Variants in SH3KBP1 observed in about 807,000 individuals in gnomAD.
The protein encoded by SH3KBP1 is SH3 domain containing kinase binding protein 1, also known as SH3 domain-containing kinase-binding protein 1.
In SH3KBP1, 8 loss-of-function variants were observed where a neutral mutation model predicts 50.1. That is an observed-to-expected ratio of 0.16 (90% CI 0.09 to 0.29). SH3KBP1 has a LOEUF of 0.29. Among genes scored for constraint, SH3KBP1 ranks in the 10% least tolerant of loss-of-function variants. The pLI is 1.00. For missense variants in SH3KBP1, 377 were observed against 535.2 expected (o/e 0.70, Z 2.92); for synonymous variants, 227 against 218.6 (o/e 1.04, Z -0.34).
intron 1 of SH3KBP1, 134 bp from the exon 2 acceptor site, chrX:19,836,416 A>G: frequency 1.7e-6 from 1 of 573,354 alleles, no homozygotes; most frequent in Non-Finnish European, 2.7e-6. Context: ...ACAGGGCCAC[A>G]CACAGTAACC....
intron 1 of SH3KBP1, among the ~76,000 whole-genome samples, chrX:19,843,121 C>G (rs1326279245): frequency 9.9e-6 from 1 of 100,574 alleles, no homozygotes; most frequent in Non-Finnish European, 2.0e-5. Context: ...CAGGTTCAAG[C>G]AATTCTCTTG....
intron 5 of SH3KBP1, among the ~76,000 whole-genome samples, chrX:19,689,102 G>A (rs371181340): frequency 3.8e-4 from 43 of 112,179 alleles, no homozygotes; most frequent in African/African-American, 1.3e-3. Flanking sequence ...CTTTTTGACC[G>A]ATGCATTCTA....
intron 13 of SH3KBP1, among the ~76,000 whole-genome samples, chrX:19,552,720 A>G (rs1007081388): frequency 9.0e-6 from 1 of 110,686 alleles, no homozygotes; most frequent in Non-Finnish European, 1.9e-5. Context: ...ATTTAAAAAA[A>G]CAAAACACCA....
intron 3 of SH3KBP1, among the ~76,000 whole-genome samples, chrX:19,744,808 T>C (rs182146844): frequency 5.1e-4 from 58 of 112,708 alleles, no homozygotes; most frequent in African/African-American, 1.7e-3. Flanking sequence ...TATTCCTTCG[T>C]TGATTTAAAG....
chrX:19,782,927 G>A (rs1463759178), intron 2 of SH3KBP1, among the ~76,000 whole-genome samples: 1 of 111,178 alleles, frequency 9.0e-6, no homozygotes, highest in Middle Eastern at 4.2e-3. Context: ...GCAACATGGC[G>A]AAACCCTGTC....
chrX:19,710,816 C>T (rs1490236387), intron 3 of SH3KBP1, among the ~76,000 whole-genome samples: 4 of 110,798 alleles, frequency 3.6e-5, no homozygotes, highest in African/African-American at 1.3e-4. Flanking sequence ...TGATCACAAG[C>T]ACTATGATAC....
chrX:19,582,620 C>T (rs774973832), intron 12 of SH3KBP1, among the ~76,000 whole-genome samples: 1 of 111,855 alleles, frequency 8.9e-6, no homozygotes, highest in Non-Finnish European at 1.9e-5. Flanking sequence ...TTCCAGCCAT[C>T]AACTTTGCCC....
chrX:19,698,599 A>G (rs191019254), intron 4 of SH3KBP1, among the ~76,000 whole-genome samples: 11 of 112,050 alleles, frequency 9.8e-5, no homozygotes, highest in Non-Finnish European at 1.3e-4. Context: ...CACCATGGGC[A>G]CGATGCTCAT....
intron 2 of SH3KBP1, among the ~76,000 whole-genome samples, chrX:19,808,295 G>A (rs750829399): frequency 1.5e-4 from 17 of 110,717 alleles, no homozygotes; most frequent in Non-Finnish European, 5.7e-5. Context: ...AGCTGTAGCA[G>A]GTATCACCAA....
chrX:19,657,713 C>T (rs887247508), intron 6 of SH3KBP1, among the ~76,000 whole-genome samples: 3 of 108,497 alleles, frequency 2.8e-5, no homozygotes, highest in African/African-American at 6.7e-5. Flanking sequence ...GGCAACAGAG[C>T]GAGACTCCAT....
rs758706173 is a variant in SH3KBP1, at chrX:19,707,202, A to T, written c.287-218T>A. The T allele has an allele frequency of 7.9e-6, 4 of 506,152 alleles. No individual in the cohort carries two copies. The East Asian group carries it at 1.1e-4, about 14-fold the overall frequency. 41.7% of individuals were successfully genotyped at this position (506,152 alleles called of 1,213,427 possible). ...TTAAAAGCTGCTGGGTCAGAAAGGC[A>T]TGGATATGAGAAACCGATCCATTGG... On this transcript the variant is annotated intron_variant, in intron 3 of 17. Coordinates refer to ENST00000397821, the MANE Select transcript of SH3KBP1 (RefSeq NM_031892.3).
chrX:19,723,142 CAAAAAAAAAA>C, intron 3 of SH3KBP1, among the ~76,000 whole-genome samples: 1 of 31,128 alleles, frequency 3.2e-5, no homozygotes, highest in East Asian at 1.2e-3. Flanking sequence ...GACTCCGTCT[CAAAAAAAAAA>C]AAAAAAAAAA....
chrX:19,557,208 G>T (rs2065516331), intron 13 of SH3KBP1, among the ~76,000 whole-genome samples: 1 of 112,105 alleles, frequency 8.9e-6, no homozygotes, highest in South Asian at 3.7e-4. Context: ...TTCCACTACA[G>T]AACGTTGCTT....
chrX:19,704,537 A>G (rs1253844062), intron 4 of SH3KBP1, among the ~76,000 whole-genome samples: 2 of 112,616 alleles, frequency 1.8e-5, no homozygotes, highest in African/African-American at 6.5e-5. Context: ...TATATTTTAC[A>G]TGGTTTTATC....
intron 2 of SH3KBP1, among the ~76,000 whole-genome samples, chrX:19,820,015 A>AT: frequency 9.0e-6 from 1 of 111,347 alleles, no homozygotes; most frequent in Middle Eastern, 4.6e-3. Context: ...GTGTTTGGAG[A>AT]TTTTCTGATC....
intron 12 of SH3KBP1, among the ~76,000 whole-genome samples, chrX:19,574,616 C>A (rs999259135): frequency 1.8e-5 from 2 of 112,377 alleles, no homozygotes; most frequent in African/African-American, 6.5e-5. Flanking sequence ...TAATCCCATT[C>A]ATGAGGGCTT....
chrX:19,671,076 G>C (rs1396983341), intron 6 of SH3KBP1: 1 of 959,803 alleles, frequency 1.0e-6, no homozygotes, highest in Admixed American at 4.2e-5. Flanking sequence ...GGGTGGCTTC[G>C]AGAGAAGTCC....
At chrX:19,572,528 T>C (rs1462928205) in intron 12 of SH3KBP1, among the ~76,000 whole-genome samples, 2 of 107,838 alleles carry the variant, frequency 1.9e-5, no homozygotes, top group African/African-American at 3.4e-5. Flanking sequence ...ATATGTACTC[T>C]CTCTCTCTCT....
At chrX:19,543,542 G>C (rs2064998304) in intron 15 of SH3KBP1, among the ~76,000 whole-genome samples, 1 of 111,506 alleles carries the variant, frequency 9.0e-6, no homozygotes, top group Non-Finnish European at 1.9e-5. Flanking sequence ...ATGACCACCT[G>C]GATGGGAGGT....
Sources: allele counts gnomAD v4.1 joint callset (sites outside exome capture counted in the v4.1 genomes callset), GRCh38; gene constraint gnomAD v4.1.1; transcripts MANE v1.5; gene names NCBI Gene and HGNC (gene_info 2026-07-23, HGNC 2026-07-21).